The following TTL variants were observed in gnomAD, a reference collection of about 807,000 sequenced individuals.
TTL encodes the protein tubulin--tyrosine ligase.
In TTL, 10 loss-of-function variants were observed where a neutral mutation model predicts 41.1. The observed-to-expected ratio is 0.24, with a 90% CI of 0.15 to 0.41. The LOEUF (loss-of-function observed/expected upper bound fraction) is 0.41, where lower values mean the gene tolerates loss of function less well. TTL is among the 10% of genes least tolerant of loss of function. The pLI, the probability that TTL is intolerant of heterozygous loss-of-function variation, is 1.00. For missense variants in TTL, 367 were observed against 460.4 expected (o/e 0.80, Z 1.86); for synonymous variants, 175 against 175.5 (o/e 1.00, Z 0.02).
At chr2:112,512,735 A>G (rs1218019467) in intron 5 of TTL, among the ~76,000 whole-genome samples, 1 of 152,188 alleles carries the variant, frequency 6.6e-6, no homozygotes, top group Non-Finnish European at 1.5e-5. Flanking sequence ...AATCATTGTC[A>G]TTTAATTGGT....
rs554860347 is a variant in TTL at position 112,482,514 on chromosome 2, C to T, written c.157+13C>T. ...TTCGGGAGACTGGGTGAGCCCCTCC[C>T]CGATTCCCGTCTGCCCTCCTCGGAG... On this transcript the variant is annotated intron_variant, in intron 1 of 6. Transcript: ENST00000233336. The surrounding 1 kb of genome is among the most constrained non-coding windows in gnomAD (Gnocchi z 5.3). 2.5e-6 allele frequency: 4 copies of T among 1,589,046 alleles called. No individual in the cohort carries two copies. Among genetic ancestry groups the T allele is most frequent in the East Asian group, 2.4e-5 (1 of 42,248 alleles).
chr2:112,525,137 T>C (rs999878675), intron 6 of TTL, among the ~76,000 whole-genome samples: 4 of 152,196 alleles, frequency 2.6e-5, no homozygotes, highest in Non-Finnish European at 5.9e-5. Context: ...TCTGTTCTGT[T>C]CCATTGGTCT....
intron 5 of TTL, among the ~76,000 whole-genome samples, chr2:112,517,939 G>C (rs1411786596): frequency 6.7e-6 from 1 of 148,308 alleles, no homozygotes; most frequent in Non-Finnish European, 1.5e-5. Context: ...GACAGAGTGA[G>C]ACCCTGTCTC....
At chr2:112,526,243 T>C (rs946771531) in intron 6 of TTL, among the ~76,000 whole-genome samples, 2 of 152,168 alleles carry the variant, frequency 1.3e-5, no homozygotes, top group Non-Finnish European at 2.9e-5. Context: ...TGGTCTAAAA[T>C]TGTCTTTTTT....
rs767661782 is a variant in TTL at position 112,494,157 on chromosome 2, G to C, written c.251G>C (p.Ser84Thr). 103 of 1,614,014 alleles carry C rather than the reference G, an allele frequency of 6.4e-5. No individual in the cohort carries two copies. Among genetic ancestry groups the C allele is most frequent in the South Asian group, 2.7e-4 (25 of 91,078 alleles). ...TCATCTGCCAGGCTAATCAAGACAA[G>C]CCCTGAACTGGCTGAGTCCTGCACA... is the stretch of plus-strand genomic sequence containing the variant. ...KASLVKLIKTSPELAESCTWF... is the reference protein window; with the variant it reads ...KASLVKLIKTTPELAESCTWF... The change falls in exon 3 of 7, where the codon AGC becomes ACC. Residue 84 changes from serine (S) to threonine (T), a missense_variant. Ser to Thr is a moderately conservative substitution (Grantham distance 58). Coordinates refer to ENST00000233336, the MANE Select transcript of TTL (RefSeq NM_153712.5).
chr2:112,517,271 A>C (rs985611825), intron 5 of TTL, among the ~76,000 whole-genome samples: 11 of 151,728 alleles, frequency 7.2e-5, no homozygotes, highest in Non-Finnish European at 1.5e-4. Context: ...TTTTTGAGAC[A>C]GAGTCTTGGT....
intron 5 of TTL, 103 bp downstream of exon 5, chr2:112,503,284 T>G (rs13024583): frequency 0.22 from 229,818 of 1,052,476 alleles, 26,219 homozygotes; most frequent in African/African-American, 0.32. Flanking sequence ...TAATTTATGG[T>G]CAAAAATTTT....
In TTL at chr2:112,539,366, T is replaced by C. The variant is rs946421825; in HGVS notation, c.*10571T>C. ...GAAAGAATGCAAGGTTTTTTTAACA[T>C]ACAAAATTTACTTAATATAATATAC... is the stretch of plus-strand genomic sequence containing the variant. On this transcript the variant is annotated 3_prime_UTR_variant, in exon 7 of 7. Coordinates refer to ENST00000233336, the MANE Select transcript of TTL (RefSeq NM_153712.5). 6.8e-6 allele frequency: 1 copy of C among 148,116 alleles called. No homozygotes were observed. The highest frequency in any genetic ancestry group is 1.5e-5 in the Non-Finnish European group (1 of 67,174). The allele number at this position is 148,116 out of a possible 1,614,324, so 9.2% of individuals were successfully genotyped here.
At chr2:112,517,153 C>T (rs1299131897) in intron 5 of TTL, among the ~76,000 whole-genome samples, 1 of 88,050 alleles carries the variant, frequency 1.1e-5, no homozygotes, top group Non-Finnish European at 2.1e-5. Context: ...CTTGAGCTTT[C>T]AGCAAAAAAA....
intron 3 of TTL, among the ~76,000 whole-genome samples, chr2:112,496,665 C>CTGTGTGTGTG (rs10635241): frequency 2.5e-4 from 27 of 106,052 alleles, no homozygotes; most frequent in African/African-American, 5.2e-4. Context: ...ATATATGTGT[C>CTGTGTGTGTG]TGTGTGTGTG....
chr2:112,485,235 C>T (rs1681210403), intron 1 of TTL, among the ~76,000 whole-genome samples: 1 of 152,222 alleles, frequency 6.6e-6, no homozygotes, highest in African/African-American at 2.4e-5. Flanking sequence ...CAGGCATGAG[C>T]CACTGTGTCT....
rs555652793 is a variant in TTL, at chr2:112,517,659, C to G, written c.876-2623C>G. Reference sequence around the variant, plus strand: ...ATTTTAAAGAATATTCTAATTAAAACAGGCTAAGTACGGTGGCTCATGCCT... The same window carrying G: ...ATTTTAAAGAATATTCTAATTAAAAGAGGCTAAGTACGGTGGCTCATGCCT... On this transcript the variant is annotated intron_variant, in intron 5 of 6. Transcript: ENST00000233336. Among the ~76,000 whole-genome samples the G allele has an allele frequency of 2.0e-5, 3 of 151,448 alleles. No homozygotes were observed. The South Asian group carries it at 6.3e-4, about 32-fold the overall frequency.
chr2:112,516,596 C>T (rs889375192), intron 5 of TTL, among the ~76,000 whole-genome samples: 1 of 152,206 alleles, frequency 6.6e-6, no homozygotes, highest in Non-Finnish European at 1.5e-5. Flanking sequence ...ATTGCTTGAA[C>T]CCGGGAGGTG....
At chr2:112,518,678 CT>C (rs11421229) in intron 5 of TTL, among the ~76,000 whole-genome samples, 254 of 140,082 alleles carry the variant, frequency 1.8e-3, no homozygotes, top group African/African-American at 4.1e-3. Flanking sequence ...TTTTTCTTTT[CT>C]TTTTTTTTTT....
chr2:112,491,498 G>T (rs181040648), intron 2 of TTL, among the ~76,000 whole-genome samples: 8 of 152,332 alleles, frequency 5.3e-5, no homozygotes, highest in African/African-American at 1.9e-4. Context: ...GGGCAATTGT[G>T]ACTCAGCTGA....
At position 112,529,751 on chromosome 2, in the gene TTL, C is replaced by T. The variant is rs997050409; in HGVS notation, c.*956C>T. 3.1e-5 allele frequency: 7 copies of T among 222,854 alleles called. No homozygotes were observed. The highest frequency in any genetic ancestry group is 5.7e-5 in the Admixed American group (1 of 17,408). 13.8% of individuals were successfully genotyped at this position (222,854 alleles called of 1,614,324 possible). A position where few individuals can be genotyped will look rare whatever the true frequency, so the allele number is the denominator to read the frequency against. On this transcript the variant is annotated 3_prime_UTR_variant, in exon 7 of 7. Coordinates refer to ENST00000233336, the MANE Select transcript of TTL (RefSeq NM_153712.5). ...CCCCCTTTTTGTTCTTTTTATGCCC[C>T]CAAGCACTTTCTGCAGTAGCTAGAG...
chr2:112,503,596 G>A (rs1201589573), intron 5 of TTL, among the ~76,000 whole-genome samples: 1 of 148,608 alleles, frequency 6.7e-6, no homozygotes, highest in Non-Finnish European at 1.5e-5. Context: ...ACCACGCTGG[G>A]CTAATTTTGT....
chr2:112,517,051 A>G (rs1413725458), intron 5 of TTL, among the ~76,000 whole-genome samples: 1 of 151,528 alleles, frequency 6.6e-6, no homozygotes, highest in Non-Finnish European at 1.5e-5. Flanking sequence ...CCTTCCAGCT[A>G]GCCTCCCCCT....
chr2:112,484,411 G>A (rs916704847), intron 1 of TTL, among the ~76,000 whole-genome samples: 2 of 151,826 alleles, frequency 1.3e-5, no homozygotes, highest in East Asian at 1.9e-4. Context: ...TTACAGGCGC[G>A]CATCACCATG....
Sources: gnomAD v4.1 joint callset for allele counts (sites outside exome capture counted in the v4.1 genomes callset) on GRCh38, gnomAD v4.1.1 for gene constraint, Gnocchi (gnomAD v3.1) non-coding constraint, MANE v1.5 for transcripts, NCBI Gene and HGNC (gene_info 2026-07-23, HGNC 2026-07-21) for gene names.